The following RPH3AL variants were observed in gnomAD, a reference collection of about 807,000 sequenced individuals.
RPH3AL encodes the protein rabphilin 3A like (without C2 domains).
Under a neutral mutation model 43.1 loss-of-function variants are expected in RPH3AL, and 38 were observed. The ratio of observed to expected loss-of-function variants is 0.88; its 90% CI spans 0.68 to 1.15. The LOEUF (loss-of-function observed/expected upper bound fraction) is 1.15. Among genes scored for constraint, RPH3AL ranks in the 50% most tolerant of loss-of-function variants. The probability of loss-of-function intolerance (pLI) is 0.00; values close to 1 mark genes in which losing one functional copy is unlikely to be tolerated. For missense variants in RPH3AL, 462 were observed against 423.2 expected (o/e 1.09, Z -0.81); for synonymous variants, 189 against 176.3 (o/e 1.07, Z -0.57).
At chr17:273,796 G>A (rs554878798) in intron 6 of RPH3AL, among the ~76,000 whole-genome samples, 2 of 152,366 alleles carry the variant, frequency 1.3e-5, no homozygotes, top group African/African-American at 4.8e-5. Context: ...TGGCTGCCGG[G>A]TTATAATCAG....
At chr17:339,180 T>C (rs1318148727) in intron 1 of RPH3AL, 1 of 152,320 alleles carries the variant, frequency 6.6e-6, no homozygotes, top group Admixed American at 6.5e-5. Flanking sequence ...ACTCCAGGGT[T>C]AGGCACTGCC....
At chr17:282,524 T>C (rs2042806336) in intron 5 of RPH3AL, among the ~76,000 whole-genome samples, 1 of 152,192 alleles carries the variant, frequency 6.6e-6, no homozygotes, top group Non-Finnish European at 1.5e-5. Flanking sequence ...AGTCTGCTGA[T>C]GTGCTGGGCC....
At chr17:220,028 G>T (rs560778638) in intron 7 of RPH3AL, among the ~76,000 whole-genome samples, 1 of 152,250 alleles carries the variant, frequency 6.6e-6, no homozygotes, top group Admixed American at 6.5e-5. Context: ...CCCTGTTCTA[G>T]TTCCTCTAGT....
At chr17:305,165 G>A (rs1435481165) in intron 5 of RPH3AL, among the ~76,000 whole-genome samples, 1 of 151,450 alleles carries the variant, frequency 6.6e-6, no homozygotes, top group Non-Finnish European at 1.5e-5. Flanking sequence ...GGGCTCCGGG[G>A]CGTCTGCACC....
intron 5 of RPH3AL, among the ~76,000 whole-genome samples, chr17:303,219 C>A (rs2043374449): frequency 6.6e-6 from 1 of 152,054 alleles, no homozygotes. Flanking sequence ...TAACAAGGCC[C>A]AGTCTCCACA....
At chr17:329,551 C>T (rs2044699018) in intron 2 of RPH3AL, among the ~76,000 whole-genome samples, 1 of 152,174 alleles carries the variant, frequency 6.6e-6, no homozygotes, top group African/African-American at 2.4e-5. Context: ...AGTTACCACA[C>T]TAGAAATTAA....
chr17:253,821 A>G (rs1597945312), intron 6 of RPH3AL, among the ~76,000 whole-genome samples: 1 of 92,732 alleles, frequency 1.1e-5, no homozygotes, highest in African/African-American at 3.9e-5. Context: ...TGACTACCCT[A>G]CGTACTTCCT....
At chr17:272,352 A>G (rs1597984852) in intron 6 of RPH3AL, among the ~76,000 whole-genome samples, 1 of 151,994 alleles carries the variant, frequency 6.6e-6, no homozygotes, top group African/African-American at 2.4e-5. Context: ...CTTGGAACCA[A>G]CCCAAATGTC....
chr17:272,617 A>AG (rs1424313028), intron 6 of RPH3AL, among the ~76,000 whole-genome samples: 1 of 66,722 alleles, frequency 1.5e-5, no homozygotes, highest in African/African-American at 6.4e-5. Flanking sequence ...GGGTGGGGGG[A>AG]GGGGGGAGGG....
Position 213,281 on chromosome 17 carries a change from A to C in RPH3AL, c.*571T>G. 6.3e-6 allele frequency: 1 copy of C among 158,528 alleles called. No homozygotes were observed. The highest frequency in any genetic ancestry group is 1.8e-4 in the South Asian group (1 of 5,530). 9.8% of individuals were successfully genotyped at this position (158,528 alleles called of 1,614,324 possible). ...ACAAACAAACATACAAAAACCAAAG[A>C]AACTAAACAGACCCAGGTTTCACCC... is the stretch of plus-strand genomic sequence containing the variant. On this transcript the variant is annotated 3_prime_UTR_variant, in exon 10 of 10. Transcript: ENST00000331302.
At chr17:337,732 C>T (rs1194631545) in intron 1 of RPH3AL, among the ~76,000 whole-genome samples, 2 of 152,224 alleles carry the variant, frequency 1.3e-5, no homozygotes, top group African/African-American at 2.4e-5. Context: ...GCACCAGGCC[C>T]GTGCCCAGCC....
chr17:302,421 C>G (rs893126585), intron 5 of RPH3AL, among the ~76,000 whole-genome samples: 2 of 152,210 alleles, frequency 1.3e-5, no homozygotes, highest in Admixed American at 6.5e-5. Flanking sequence ...GTCCAAGGAG[C>G]CGTTGCAGGG....
rs931864054 is a variant in RPH3AL, at chr17:212,618, G to A, written c.*1234C>T. ...AATGGTGGGGGCCCAGGAGCTCCCA[G>A]CTTGGAGAGAAGGCCCTTCCAGACC... On this transcript the variant is annotated 3_prime_UTR_variant, in exon 10 of 10. Coordinates refer to ENST00000331302, the MANE Select transcript of RPH3AL (RefSeq NM_006987.4). 61 of 152,220 alleles carry A rather than the reference G, an allele frequency of 4.0e-4. 1 individual carries two copies. Among genetic ancestry groups the A allele is most frequent in the African/African-American group, 1.4e-3 (59 of 41,532 alleles). 9.4% of individuals were successfully genotyped at this position (152,220 alleles called of 1,614,324 possible).
intron 2 of RPH3AL, chr17:332,572 A>G (rs949457489): frequency 5.1e-5 from 9 of 176,366 alleles, no homozygotes; most frequent in Admixed American, 2.7e-4. Context: ...GTATTTCATC[A>G]GAGAGATGTG....
chr17:240,025 G>T (rs1301739811), intron 7 of RPH3AL, among the ~76,000 whole-genome samples: 1 of 152,118 alleles, frequency 6.6e-6, no homozygotes, highest in Non-Finnish European at 1.5e-5. Flanking sequence ...ATCACCTGAT[G>T]TCAGGAGTTC....
At chr17:307,434 G>A (rs970066916) in intron 5 of RPH3AL, among the ~76,000 whole-genome samples, 5 of 151,822 alleles carry the variant, frequency 3.3e-5, no homozygotes, top group Admixed American at 1.3e-4. Flanking sequence ...CCCACGGCAG[G>A]TCCTCCCCAC....
chr17:321,453 C>G lies in RPH3AL; in HGVS notation c.78-38G>C, dbSNP rs1245188500. The G allele has an allele frequency of 2.6e-6, 4 of 1,525,048 alleles. No individual in the cohort carries two copies. In the African/African-American group the frequency reaches 4.2e-5, roughly 16 times the overall value. The allele number at this position is 1,525,048 out of a possible 1,614,324, so 94.5% of individuals were successfully genotyped here. A position where few individuals can be genotyped will look rare whatever the true frequency, so the allele number is the denominator to read the frequency against. ...CAGCACAGACGGCGTGGAGGCCTCC[C>G]CGGTGCAAACTCCGGCAGCCCCTAC... On this transcript the variant is annotated intron_variant, in intron 3 of 9. Transcript: ENST00000331302.
At chr17:230,823 C>T (rs775406133) in intron 7 of RPH3AL, among the ~76,000 whole-genome samples, 20 of 152,172 alleles carry the variant, frequency 1.3e-4, no homozygotes, top group Admixed American at 1.1e-3. Flanking sequence ...CACCTCATCT[C>T]TTTGTGCCTC....
At chr17:273,051 A>T (rs866881646) in intron 6 of RPH3AL, among the ~76,000 whole-genome samples, 3,736 of 129,044 alleles carry the variant, frequency 0.029, no homozygotes, top group Non-Finnish European at 0.04. Context: ...GACGTCAGGG[A>T]GAGACCCCAG....
Sources: gnomAD v4.1 joint callset for allele counts (sites outside exome capture counted in the v4.1 genomes callset) on GRCh38, gnomAD v4.1.1 for gene constraint, MANE v1.5 for transcripts, NCBI Gene and HGNC (gene_info 2026-07-23, HGNC 2026-07-21) for gene names.